CCDC88A: variants seen among roughly 807,000 people sequenced by gnomAD.
The protein encoded by CCDC88A is coiled-coil and HOOK domain protein 88A.
A neutral mutation model predicts 234.3 loss-of-function variants in CCDC88A; 54 were observed. The observed-to-expected ratio is 0.23, with a 90% CI of 0.19 to 0.29. The LOEUF (loss-of-function observed/expected upper bound fraction) is 0.29. CCDC88A is among the 10% of genes least tolerant of loss of function. The pLI is 1.00. For missense variants in CCDC88A, 1,832 were observed against 2,123.4 expected (o/e 0.86, Z 2.70); for synonymous variants, 753 against 737.8 (o/e 1.02, Z -0.33).
chr2:55,295,545 T>C, intron 31 of CCDC88A, 52 bp downstream of exon 31: 1 of 1,614,014 alleles, frequency 6.2e-7, no homozygotes, highest in Non-Finnish European at 8.5e-7. Context: ...ACCTATAGTA[T>C]GTGTTGGGAT....
chr2:55,323,977 G>GA (rs1683951282), intron 17 of CCDC88A: 1 of 152,238 alleles, frequency 6.6e-6, no homozygotes, highest in Non-Finnish European at 1.5e-5. Context: ...CTCCCAAAGT[G>GA]CTGGGATTAC....
chr2:55,334,857 CAAGT>C lies in CCDC88A; in HGVS notation c.1960_1963del (p.Thr654ValfsTer7). ...TTGTTCTAAGGCCTCAATTTTTTCA[CAAGT>C]AATTTTTAAATTAGTTATTTTTTTC... On this transcript the variant is annotated frameshift_variant, in exon 15 of 33. Coordinates refer to ENST00000436346, the MANE Select transcript of CCDC88A (RefSeq NM_001365480.1). LOFTEE classifies it high-confidence loss of function. This position sits in a 1 kb window ranked among gnomAD's most constrained non-coding sequence, Gnocchi z 6.1. The C allele has an allele frequency of 6.5e-7, 1 of 1,527,018 alleles. No homozygotes were observed. Among genetic ancestry groups the C allele is most frequent in the Non-Finnish European group, 8.9e-7 (1 of 1,124,672 alleles). The allele number at this position is 1,527,018 out of a possible 1,614,324, so 94.6% of individuals were successfully genotyped here. A position where few individuals can be genotyped will look rare whatever the true frequency, so the allele number is the denominator to read the frequency against.
At chr2:55,369,127 T>C (rs914953308) in intron 5 of CCDC88A, among the ~76,000 whole-genome samples, 7 of 151,224 alleles carry the variant, frequency 4.6e-5, no homozygotes, top group African/African-American at 1.7e-4. Context: ...CTCCGCCTCC[T>C]GGGTTCCAGC....
intron 3 of CCDC88A, among the ~76,000 whole-genome samples, chr2:55,386,955 A>C (rs1216432395): frequency 6.6e-6 from 1 of 151,138 alleles, no homozygotes; most frequent in Non-Finnish European, 1.5e-5. Flanking sequence ...CGGGTGGATC[A>C]CAGGAGGTCA....
At position 55,335,004 on chromosome 2, in the gene CCDC88A, A is replaced by G. The variant is rs780419941; in HGVS notation, c.1817T>C (p.Ile606Thr). 4.4e-6 allele frequency: 7 copies of G among 1,604,432 alleles called. No homozygotes were observed. The highest frequency in any genetic ancestry group is 2.2e-5 in the East Asian group (1 of 44,710). ...IKETSSKLSKIEFEKRQIKKE... is the reference protein window; with the variant it reads ...IKETSSKLSKTEFEKRQIKKE... ...TTTAATTTGTCTTTTTTCAAATTCA[A>G]TCTTGCTTAGCTTGCTACTTGTTTC... Residue 606 changes from isoleucine to threonine, a missense_variant, in exon 15 of 33, where the codon ATT becomes ACT. Ile to Thr is a moderately conservative substitution (Grantham distance 89). Around this residue, in one of 6 missense-constraint regions of CCDC88A, gnomAD observed 1,282 missense variants for 1,543.6 expected, o/e 0.83. Coordinates refer to ENST00000436346, the MANE Select transcript of CCDC88A (RefSeq NM_001365480.1). The surrounding 1 kb of genome is among the most constrained non-coding windows in gnomAD (Gnocchi z 4.5).
intron 9 of CCDC88A, chr2:55,348,476 C>T (rs13411077): frequency 0.06 from 9,161 of 151,580 alleles, 872 homozygotes; most frequent in African/African-American, 0.2. Flanking sequence ...GGTTTCACTA[C>T]GTTGGCCAGG....
intron 12 of CCDC88A, among the ~76,000 whole-genome samples, chr2:55,341,478 T>C (rs559050943): frequency 5.5e-5 from 8 of 144,234 alleles, no homozygotes; most frequent in Non-Finnish European, 1.1e-4. Flanking sequence ...AGAGTCTCAC[T>C]GTGTCACCTA....
At chr2:55,414,889 C>T (rs886192984) in intron 2 of CCDC88A, among the ~76,000 whole-genome samples, 9 of 151,730 alleles carry the variant, frequency 5.9e-5, no homozygotes, top group African/African-American at 4.8e-5. Context: ...CACGGTGAAA[C>T]CCCGTCTCTA....
chr2:55,311,402 G>C (rs1051738078), intron 23 of CCDC88A, among the ~76,000 whole-genome samples: 2 of 152,144 alleles, frequency 1.3e-5, no homozygotes, highest in East Asian at 1.9e-4. Flanking sequence ...TGGTAAGACT[G>C]GTGCTTCAGA....
chr2:55,393,733 ATCTTGCATTACATTTCTATT>A (rs1433094686), intron 2 of CCDC88A, among the ~76,000 whole-genome samples: 2 of 152,184 alleles, frequency 1.3e-5, no homozygotes. Context: ...CACCTTTTCA[ATCTTGCATTACATTTCTATT>A]TCTTTACTTG....
chr2:55,322,248 A>G (rs1242858742), intron 18 of CCDC88A, among the ~76,000 whole-genome samples: 4 of 152,214 alleles, frequency 2.6e-5, no homozygotes, highest in Middle Eastern at 3.2e-3. Flanking sequence ...TAAGTCAGGA[A>G]TAACAACTTT....
chr2:55,356,327 T>C (rs1258540705), intron 7 of CCDC88A: 2 of 152,208 alleles, frequency 1.3e-5, no homozygotes, highest in Non-Finnish European at 2.9e-5. Flanking sequence ...AAGGACATGA[T>C]CTCATTCCTT....
Position 55,362,440 on chromosome 2 carries a change from A to G in CCDC88A, c.495T>C (p.His165=). 6.3e-7 allele frequency: 1 copy of G among 1,599,766 alleles called. No individual in the cohort carries two copies. The highest frequency in any genetic ancestry group is 1.1e-5 in the South Asian group (1 of 87,240). ...GCAGGTCAAACACATTTTCCTGATTATGAGTTACCTTTAGAAAAGTGACCA... is the reference window on the plus strand; with the variant it reads ...GCAGGTCAAACACATTTTCCTGATTGTGAGTTACCTTTAGAAAAGTGACCA... ...AVAAHIQEVT[H]NQENVFDLQW... Residue 165 remains histidine, a synonymous_variant, in exon 7 of 33, where the codon CAT becomes CAC. Coordinates refer to ENST00000436346, the MANE Select transcript of CCDC88A (RefSeq NM_001365480.1).
intron 7 of CCDC88A, among the ~76,000 whole-genome samples, chr2:55,359,695 G>A (rs966250676): frequency 6.0e-5 from 9 of 150,808 alleles, no homozygotes; most frequent in African/African-American, 2.2e-4. Flanking sequence ...TTTTATTATA[G>A]TTATTTTATT....
At chr2:55,333,026 A>G (rs746122241) in intron 15 of CCDC88A, among the ~76,000 whole-genome samples, 1 of 152,198 alleles carries the variant, frequency 6.6e-6, no homozygotes, top group Non-Finnish European at 1.5e-5. Flanking sequence ...ATTTCTTCTT[A>G]TAAATATATG....
At chr2:55,388,953 A>T in intron 2 of CCDC88A, 67 bp from the exon 3 acceptor site, 1 of 451,016 alleles carries the variant, frequency 2.2e-6, no homozygotes, top group Non-Finnish European at 3.8e-6. Context: ...TATAATTAAA[A>T]TTAATCATAT....
chr2:55,307,323 C>G (rs1395378135), intron 25 of CCDC88A, among the ~76,000 whole-genome samples: 1 of 151,172 alleles, frequency 6.6e-6, no homozygotes, highest in Non-Finnish European at 1.5e-5. Flanking sequence ...AAAATTATAT[C>G]ATAAGTTTAT....
chr2:55,415,740 C>T (rs562469842), intron 2 of CCDC88A, among the ~76,000 whole-genome samples: 3 of 152,200 alleles, frequency 2.0e-5, no homozygotes, highest in Admixed American at 6.5e-5. Context: ...GTGAAAGAAC[C>T]ACCAAAAAGA....
chr2:55,303,337 T>C (rs369811390), intron 25 of CCDC88A, among the ~76,000 whole-genome samples, 185 bp from the exon 26 acceptor site: 2 of 152,184 alleles, frequency 1.3e-5, no homozygotes, highest in African/African-American at 2.4e-5. Context: ...AATATGTACT[T>C]TGATATTTTA....
Sources: allele counts gnomAD v4.1 joint callset (sites outside exome capture counted in the v4.1 genomes callset), GRCh38; gene constraint gnomAD v4.1.1; regional missense constraint gnomAD v4.1.1; non-coding constraint Gnocchi (gnomAD v3.1); transcripts MANE v1.5; gene names NCBI Gene and HGNC (gene_info 2026-07-23, HGNC 2026-07-21).